Variants in AACS observed in about 807,000 individuals in gnomAD.
AACS encodes the protein acetoacetate-CoA ligase.
In AACS, 69 loss-of-function variants were observed where a neutral mutation model predicts 83.1. That is an observed-to-expected ratio of 0.83 (90% confidence interval 0.68 to 1.01). The LOEUF is 1.01. Ranked by LOEUF, AACS falls within the 50% of genes least tolerant of loss-of-function variation. AACS has a pLI of 0.00. For synonymous variants in AACS, 333 were observed against 343.4 expected (o/e 0.97, Z 0.33); for missense variants, 866 against 882.2 (o/e 0.98, Z 0.23).
At chr12:125,134,700 G>T in intron 15 of AACS, 94 bp from the exon 16 acceptor site, 2 of 1,401,814 alleles carry the variant, frequency 1.4e-6, no homozygotes, top group Non-Finnish European at 2.0e-6. Context: ...GGGATGCCAT[G>T]GGAAAGTGGG....
Position 125,112,692 on chromosome 12 carries a change from G to A in AACS, c.916-1785G>A, listed in dbSNP as rs1351484344. ...AGACTCTGTCTCAAAAAAAAAAAAAGACATACTGAGACTGGGCAATTTATA... is the reference window on the plus strand; with the variant it reads ...AGACTCTGTCTCAAAAAAAAAAAAAAACATACTGAGACTGGGCAATTTATA... On this transcript the variant is annotated intron_variant, in intron 8 of 17. Transcript: ENST00000316519. 4.9e-4 allele frequency among the ~76,000 whole-genome samples: 45 copies of A among 92,740 alleles called. No homozygotes were observed. The South Asian group carries it at 5.2e-3, about 11-fold the overall frequency. 60.8% of individuals were successfully genotyped at this position (92,740 alleles called of 152,430 possible).
chr12:125,106,569 C>T (rs1032672987), intron 7 of AACS, among the ~76,000 whole-genome samples: 1 of 152,176 alleles, frequency 6.6e-6, no homozygotes, highest in Non-Finnish European at 1.5e-5. Context: ...GAAATTGACC[C>T]CACATCTGTA....
intron 9 of AACS, among the ~76,000 whole-genome samples, chr12:125,115,911 GA>G (rs1014012951): frequency 6.6e-6 from 1 of 152,216 alleles, no homozygotes; most frequent in African/African-American, 2.4e-5. Flanking sequence ...CCGTGCAGGG[GA>G]CAGACCCCTG....
At chr12:125,111,646 A>G (rs1203285542) in intron 8 of AACS, among the ~76,000 whole-genome samples, 6 of 152,146 alleles carry the variant, frequency 3.9e-5, no homozygotes, top group Admixed American at 1.3e-4. Flanking sequence ...GCTGCTCGTA[A>G]TCTTCCCAAT....
intron 3 of AACS, among the ~76,000 whole-genome samples, chr12:125,079,150 C>T (rs1956103829): frequency 1.3e-5 from 2 of 152,030 alleles, no homozygotes; most frequent in African/African-American, 4.8e-5. Context: ...CAGAAGAAGG[C>T]CCTGGGCTGG....
intron 7 of AACS, among the ~76,000 whole-genome samples, chr12:125,103,568 C>T (rs965485975): frequency 6.6e-6 from 1 of 152,210 alleles, no homozygotes; most frequent in Non-Finnish European, 1.5e-5. Context: ...CATAAACACT[C>T]GTATATGTAT....
rs1255409800 is a variant in AACS, at chr12:125,097,625, T to A, written c.571-5054T>A. 6.6e-6 allele frequency among the ~76,000 whole-genome samples: 1 copy of A among 152,134 alleles called. No individual in the cohort carries two copies. Among genetic ancestry groups the A allele is most frequent in the Non-Finnish European group, 1.5e-5 (1 of 68,026 alleles). On this transcript the variant is annotated intron_variant, in intron 5 of 17. Transcript: ENST00000316519. This position sits in a 1 kb window ranked among gnomAD's most constrained non-coding sequence, Gnocchi z 4.3. ...TTCCGCAGTGGCCAAGGTGTTCAGC[T>A]GGAGGAAGACCCCTCCTTCCTGTCA...
Position 125,076,527 on chromosome 12 carries a change from G to T in AACS, c.274G>T (p.Glu92Ter), listed in dbSNP as rs549236885. 1.2e-6 allele frequency: 2 copies of T among 1,613,994 alleles called. No homozygotes were observed. Among genetic ancestry groups the T allele is most frequent in the Non-Finnish European group, 1.7e-6 (2 of 1,180,012 alleles). Residue 92 changes from glutamate (E) to a stop codon, truncating the protein, a stop_gained, in exon 3 of 18, where the codon GAG (glutamate) becomes TAG (stop). Transcript: ENST00000316519. LOFTEE classifies it high-confidence loss of function. ...DTSKGIADVP[E>*]WFKGSRLNYA... is the part of the protein sequence containing the mutation. Reference sequence around the variant, plus strand: ...ATCGAAAGGAATCGCAGATGTCCCCGAGTGGTTCAAAGGCAGTCGGCTCAA... The same window carrying T: ...ATCGAAAGGAATCGCAGATGTCCCCTAGTGGTTCAAAGGCAGTCGGCTCAA...
intron 17 of AACS, chr12:125,139,854 A>C (rs1386331416): frequency 6.6e-6 from 1 of 152,214 alleles, no homozygotes; most frequent in Admixed American, 6.6e-5. Flanking sequence ...AGCTCAGCTG[A>C]CTGCCTGGCA....
rs924657302 is a variant in AACS at position 125,107,378 on chromosome 12, G to A, written c.915+110G>A. 2.0e-5 allele frequency: 28 copies of A among 1,425,838 alleles called. No homozygotes were observed. In the Middle Eastern group the frequency reaches 6.3e-4, roughly 32 times the overall value. 88.3% of individuals were successfully genotyped at this position (1,425,838 alleles called of 1,614,324 possible). A position where few individuals can be genotyped will look rare whatever the true frequency, so the allele number is the denominator to read the frequency against. On this transcript the variant is annotated intron_variant, in intron 8 of 17. Coordinates refer to ENST00000316519, the MANE Select transcript of AACS (RefSeq NM_023928.5). Reference sequence around the variant, plus strand: ...AGTTGTCAAACTGCACCCCATCCCCGGAGAGTCCAACGTGCAGCTTCTCTC... The same window carrying A: ...AGTTGTCAAACTGCACCCCATCCCCAGAGAGTCCAACGTGCAGCTTCTCTC...
chr12:125,138,200 C>G (rs553016134), intron 17 of AACS: 1 of 151,458 alleles, frequency 6.6e-6, no homozygotes, highest in Non-Finnish European at 1.5e-5. Flanking sequence ...GGACCCCTGT[C>G]CCTCCTCCTC....
At chr12:125,112,320 C>T (rs572279374) in intron 8 of AACS, among the ~76,000 whole-genome samples, 116 of 152,274 alleles carry the variant, frequency 7.6e-4, no homozygotes, top group African/African-American at 2.6e-3. Flanking sequence ...GCTTCCAGAG[C>T]CCGGAGGCAG....
At chr12:125,106,119 T>C (rs1171881297) in intron 7 of AACS, among the ~76,000 whole-genome samples, 2 of 152,258 alleles carry the variant, frequency 1.3e-5, no homozygotes, top group African/African-American at 4.8e-5. Context: ...GTATGGCATT[T>C]GTATTTCAGA....
Position 125,097,031 on chromosome 12 carries a change from G to C in AACS, c.570+5508G>C, listed in dbSNP as rs150628634. On this transcript the variant is annotated intron_variant, in intron 5 of 17. Transcript: ENST00000316519. The surrounding 1 kb of genome is among the most constrained non-coding windows in gnomAD (Gnocchi z 4.3). ...TGGTGCCAGGAAGGGCCATTTCTGG[G>C]CATTCTGTTCTTCTGATGGATTTGG... 6.6e-6 allele frequency among the ~76,000 whole-genome samples: 1 copy of C among 152,164 alleles called. No homozygotes were observed. Among genetic ancestry groups the C allele is most frequent in the Non-Finnish European group, 1.5e-5 (1 of 68,022 alleles).
At chr12:125,137,010 C>G (rs908179579) in intron 17 of AACS, 146 bp downstream of exon 17, 1 of 785,730 alleles carries the variant, frequency 1.3e-6, no homozygotes, top group African/African-American at 1.7e-5. Context: ...TCCCTGCCAT[C>G]CTTTTTCCTA....
At chr12:125,117,947 G>T (rs1389748163) in intron 9 of AACS, 1 of 152,090 alleles carries the variant, frequency 6.6e-6, no homozygotes, top group African/African-American at 2.4e-5. Context: ...TTGTGCCACG[G>T]CACTCCAGCC....
intron 6 of AACS, 65 bp from the exon 7 acceptor site, chr12:125,102,935 A>G: frequency 6.6e-7 from 1 of 1,513,700 alleles, no homozygotes; most frequent in Non-Finnish European, 9.0e-7. Flanking sequence ...TTTTGTGGAA[A>G]AAAAAAAAAG....
chr12:125,098,983 G>A (rs747691406), intron 5 of AACS, among the ~76,000 whole-genome samples: 1 of 152,142 alleles, frequency 6.6e-6, no homozygotes, highest in Non-Finnish European at 1.5e-5. Context: ...GCTGGGGGTG[G>A]GCGTCTTGCA....
chr12:125,136,853 A>G lies in AACS; in HGVS notation c.1870A>G (p.Lys624Glu), dbSNP rs564588581. ...CGTGCCCAGCCTCATCCTGGAAACCAAGGGCATCCCGGTATGGCCATCTCC... is the reference window on the plus strand; with the variant it reads ...CGTGCCCAGCCTCATCCTGGAAACCGAGGGCATCCCGGTATGGCCATCTCC... ...RHVPSLILET[K>E]GIPYTLNGKK... Residue 624 changes from lysine (K) to glutamate (E), a missense_variant, in exon 17 of 18, where the codon AAG becomes GAG. Lys to Glu is a moderately conservative substitution (Grantham distance 56, BLOSUM62 1). Transcript: ENST00000316519. 8 of 1,613,348 alleles carry G rather than the reference A, an allele frequency of 5.0e-6. No homozygotes were observed. In the Admixed American group the frequency reaches 6.7e-5, roughly 13 times the overall value.
Sources: allele counts gnomAD v4.1 joint callset (sites outside exome capture counted in the v4.1 genomes callset), GRCh38; gene constraint gnomAD v4.1.1; non-coding constraint Gnocchi (gnomAD v3.1); transcripts MANE v1.5; gene names NCBI Gene and HGNC (gene_info 2026-07-23, HGNC 2026-07-21).